The following RILPL1 variants were observed in gnomAD, a reference collection of about 807,000 sequenced individuals.
The protein encoded by RILPL1 is Rab interacting lysosomal protein like 1, also known as RILP-like protein 1.
A neutral mutation model predicts 50.3 loss-of-function variants in RILPL1; 33 were observed. The observed-to-expected ratio is 0.66, with a 90% CI of 0.50 to 0.88. RILPL1 has a LOEUF of 0.88. Ranked by LOEUF, RILPL1 falls within the 40% of genes least tolerant of loss-of-function variation. The pLI is 0.00. For synonymous variants in RILPL1, 205 were observed against 228.6 expected (o/e 0.90, Z 0.93); for missense variants, 418 against 542.5 (o/e 0.77, Z 2.28).
chr12:123,482,318 C>A (rs1343132686), intron 6 of RILPL1, among the ~76,000 whole-genome samples: 2 of 152,170 alleles, frequency 1.3e-5, no homozygotes, highest in African/African-American at 4.8e-5. Context: ...TTATCTCTAA[C>A]CAGAACTGGG....
chr12:123,472,593 G>T lies in RILPL1; in HGVS notation c.1157C>A (p.Thr386Asn), dbSNP rs778398997. 1.3e-6 allele frequency: 2 copies of T among 1,566,274 alleles called. No individual in the cohort carries two copies. Among genetic ancestry groups the T allele is most frequent in the East Asian group, 2.4e-5 (1 of 42,388 alleles). ...IQESFGQWAN[T>N]HRDDGYTEQG... Reference sequence around the variant, plus strand: ...CTCTGTGTAACCGTCATCGCGGTGGGTGTTTGCCCACTGTCCAAAGGACTC... The same window carrying T: ...CTCTGTGTAACCGTCATCGCGGTGGTTGTTTGCCCACTGTCCAAAGGACTC... Residue 386 changes from threonine to asparagine, a missense_variant, in exon 7 of 7, where the codon ACC (threonine) becomes AAC (asparagine). Thr to Asn is a moderately conservative substitution (Grantham distance 65). Coordinates refer to ENST00000376874, the MANE Select transcript of RILPL1 (RefSeq NM_178314.5).
At chr12:123,509,582 A>G (rs1883962036) in intron 2 of RILPL1, among the ~76,000 whole-genome samples, 1 of 151,214 alleles carries the variant, frequency 6.6e-6, no homozygotes, top group African/African-American at 2.4e-5. Flanking sequence ...AAAAAAAAAG[A>G]AGGAAATCCT....
At chr12:123,528,415 A>AT (rs1408415236) in intron 1 of RILPL1, among the ~76,000 whole-genome samples, 29 of 139,040 alleles carry the variant, frequency 2.1e-4, no homozygotes, top group African/African-American at 6.8e-4. Context: ...GTTTGTGTTG[A>AT]TTTTTTTGTT....
chr12:123,511,294 CTG>C (rs1300763942), intron 2 of RILPL1, among the ~76,000 whole-genome samples: 2 of 79,544 alleles, frequency 2.5e-5, no homozygotes, highest in Admixed American at 1.6e-4. Flanking sequence ...GAGTGTATGT[CTG>C]TGCGGTGGCA....
Position 123,471,424 on chromosome 12 carries a change from G to C in RILPL1, c.*1114C>G, listed in dbSNP as rs566648283. The C allele has an allele frequency of 6.6e-6, 1 of 152,320 alleles. No homozygotes were observed. Among genetic ancestry groups the C allele is most frequent in the East Asian group, 1.9e-4 (1 of 5,186 alleles). The allele number at this position is 152,320 out of a possible 1,614,324, so 9.4% of individuals were successfully genotyped here. ...AGTAGAATGTTTAGAACGCGGCCCT[G>C]ATAAACTTGAGTGCTGGTAGGAGGT... On this transcript the variant is annotated 3_prime_UTR_variant, in exon 7 of 7. Transcript: ENST00000376874.
chr12:123,530,627 GTAAA>G (rs1215667577), intron 1 of RILPL1, among the ~76,000 whole-genome samples: 2 of 152,238 alleles, frequency 1.3e-5, no homozygotes, highest in African/African-American at 4.8e-5. Flanking sequence ...TAGGTTCTCA[GTAAA>G]TATATTCGCT....
Position 123,470,933 on chromosome 12 carries a change from A to G in RILPL1, c.*1605T>C, listed in dbSNP as rs1881161041. The G allele has an allele frequency of 6.6e-6, 1 of 152,150 alleles. No homozygotes were observed. The highest frequency in any genetic ancestry group is 2.1e-4 in the South Asian group (1 of 4,834). 9.4% of individuals were successfully genotyped at this position (152,150 alleles called of 1,614,324 possible). On this transcript the variant is annotated 3_prime_UTR_variant, in exon 7 of 7. Coordinates refer to ENST00000376874, the MANE Select transcript of RILPL1 (RefSeq NM_178314.5). ...TACTCTTTGAGAATAAATTCTAATA[A>G]TTCTAATGGGCACTCAGGTTTGAGA...
At position 123,522,499 on chromosome 12, in the gene RILPL1, C is replaced by A. The variant is rs1885103879; in HGVS notation, c.460+996G>T. The stretch of plus-strand genomic sequence containing the variant: ...AAGAGCCTCCAATCTCTTCCCAGCA[C>A]ACTTAGAATAAAATCCAAACCTCAG... On this transcript the variant is annotated intron_variant, in intron 2 of 6. Coordinates refer to ENST00000376874, the MANE Select transcript of RILPL1 (RefSeq NM_178314.5). This position sits in a 1 kb window ranked among gnomAD's most constrained non-coding sequence, Gnocchi z 4.0. Among the ~76,000 whole-genome samples the A allele has an allele frequency of 1.3e-5, 2 of 152,218 alleles. No individual in the cohort carries two copies. The highest frequency in any genetic ancestry group is 2.4e-5 in the African/African-American group (1 of 41,458).
intron 6 of RILPL1, 128 bp from the exon 7 acceptor site, chr12:123,472,810 C>CA (rs1881287200): frequency 6.0e-6 from 6 of 1,005,432 alleles, no homozygotes; most frequent in Non-Finnish European, 1.5e-6. Context: ...GTGTGAAAGA[C>CA]AAAGTTGGGG....
chr12:123,482,767 T>C (rs1235663396), intron 6 of RILPL1, among the ~76,000 whole-genome samples: 1 of 151,880 alleles, frequency 6.6e-6, no homozygotes, highest in Non-Finnish European at 1.5e-5. Flanking sequence ...CATACCCAGC[T>C]AATTTTTGTA....
intron 4 of RILPL1, among the ~76,000 whole-genome samples, chr12:123,495,530 A>G (rs1882971846): frequency 6.6e-6 from 1 of 150,692 alleles, no homozygotes; most frequent in Admixed American, 6.6e-5. Flanking sequence ...GTCCACCACC[A>G]TGCCTGGATA....
chr12:123,475,134 G>A (rs36084544), intron 6 of RILPL1: 29,284 of 157,708 alleles, frequency 0.19, 2,898 homozygotes, highest in Middle Eastern at 0.24. Context: ...ACACCTCACG[G>A]TTACGCTTCA....
chr12:123,488,608 C>T (rs867575881), intron 4 of RILPL1, among the ~76,000 whole-genome samples: 13 of 152,176 alleles, frequency 8.5e-5, no homozygotes, highest in South Asian at 2.1e-4. Flanking sequence ...ACCGGCTGTT[C>T]TGGGAAAGGA....
At chr12:123,530,970 T>C (rs1380304216) in intron 1 of RILPL1, among the ~76,000 whole-genome samples, 1 of 151,550 alleles carries the variant, frequency 6.6e-6, no homozygotes, top group Non-Finnish European at 1.5e-5. Context: ...GGAGCCATAA[T>C]TGCTGAAAGC....
chr12:123,482,008 G>T (rs769953076), intron 6 of RILPL1, among the ~76,000 whole-genome samples: 2 of 152,044 alleles, frequency 1.3e-5, no homozygotes, highest in Admixed American at 1.3e-4. Flanking sequence ...GAGTAGCTGG[G>T]ACTACAGGCA....
At chr12:123,475,806 A>G (rs1445366574) in intron 6 of RILPL1, 5 of 1,111,632 alleles carry the variant, frequency 4.5e-6, no homozygotes, top group Non-Finnish European at 6.6e-6. Context: ...GGCATGAAAA[A>G]GAAACAAACT....
intron 2 of RILPL1, among the ~76,000 whole-genome samples, chr12:123,516,405 A>G (rs527510800): frequency 2.0e-5 from 3 of 152,250 alleles, no homozygotes; most frequent in African/African-American, 7.2e-5. Context: ...GCTAAGGCTG[A>G]GGCCACCCTG....
chr12:123,508,439 C>T (rs1054647865), intron 2 of RILPL1, among the ~76,000 whole-genome samples: 1 of 152,106 alleles, frequency 6.6e-6, no homozygotes, highest in African/African-American at 2.4e-5. Context: ...GAGTTGTCCA[C>T]ATTTGAAAGG....
At chr12:123,492,320 G>A (rs1882752882) in intron 4 of RILPL1, among the ~76,000 whole-genome samples, 1 of 152,160 alleles carries the variant, frequency 6.6e-6, no homozygotes, top group Non-Finnish European at 1.5e-5. Flanking sequence ...AACATGCTAA[G>A]TTAAAGAAGC....
Sources: gnomAD v4.1 joint callset for allele counts (sites outside exome capture counted in the v4.1 genomes callset) on GRCh38, gnomAD v4.1.1 for gene constraint, Gnocchi (gnomAD v3.1) non-coding constraint, MANE v1.5 for transcripts, NCBI Gene and HGNC (gene_info 2026-07-23, HGNC 2026-07-21) for gene names.